Variants in COL23A1 observed in about 807,000 individuals in gnomAD.
COL23A1 encodes the protein collagen type XXIII alpha 1 chain.
COL23A1 carries 97 observed loss-of-function variants against 99.3 expected under a neutral mutation model. The ratio of observed to expected loss-of-function variants is 0.98; its 90% CI spans 0.83 to 1.16. The LOEUF (loss-of-function observed/expected upper bound fraction) is 1.16, where lower values mean the gene tolerates loss of function less well. Ranked by LOEUF, COL23A1 falls within the 50% of genes most tolerant of loss-of-function variation. COL23A1 has a pLI of 0.00. For missense variants in COL23A1, 762 were observed against 757.4 expected (o/e 1.01, Z -0.07); for synonymous variants, 320 against 308.2 (o/e 1.04, Z -0.40).
intron 2 of COL23A1, among the ~76,000 whole-genome samples, chr5:178,402,243 C>A (rs917842437): frequency 6.6e-6 from 1 of 152,152 alleles, no homozygotes; most frequent in South Asian, 2.1e-4. Context: ...ATAGTCCTAG[C>A]TCCTAGGGAG....
chr5:178,521,073 A>G (rs1035392387), intron 2 of COL23A1, among the ~76,000 whole-genome samples: 6 of 152,342 alleles, frequency 3.9e-5, no homozygotes, highest in African/African-American at 1.4e-4. Flanking sequence ...AAACCAGCAC[A>G]GCTTGTCACT....
Position 178,367,108 on chromosome 5 carries a change from G to A in COL23A1, c.362-60189C>T, listed in dbSNP as rs545836865. Among the ~76,000 whole-genome samples, 13 of 152,290 alleles carry A rather than the reference G, an allele frequency of 8.5e-5. No homozygotes were observed. In the East Asian group the frequency reaches 1.9e-3, roughly 23 times the overall value. The stretch of plus-strand genomic sequence containing the variant: ...TTGCTATCAGACAAAATTCAGTTGC[G>A]GTCACGTCAGACATTTCCTTTAGCC... On this transcript the variant is annotated intron_variant, in intron 2 of 28. Coordinates refer to ENST00000390654, the MANE Select transcript of COL23A1 (RefSeq NM_173465.4).
At chr5:178,267,176 G>A (rs993660069) in intron 8 of COL23A1, 131 bp downstream of exon 8, 2 of 992,562 alleles carry the variant, frequency 2.0e-6, no homozygotes, top group Non-Finnish European at 3.1e-6. Flanking sequence ...CTATGGGTGG[G>A]GAAGAGCCCT....
intron 2 of COL23A1, among the ~76,000 whole-genome samples, chr5:178,317,856 T>C (rs1270505172): frequency 6.6e-6 from 1 of 152,160 alleles, no homozygotes; most frequent in Non-Finnish European, 1.5e-5. Flanking sequence ...ACATCTTACA[T>C]GGTGGCAGGC....
intron 1 of COL23A1, chr5:178,562,872 AGC>A (rs891760326): frequency 2.0e-5 from 3 of 152,116 alleles, no homozygotes; most frequent in Non-Finnish European, 2.9e-5. Flanking sequence ...CTAGCTACAG[AGC>A]GCTGTTTGGT....
intron 3 of COL23A1, among the ~76,000 whole-genome samples, chr5:178,291,569 G>A (rs1425565612): frequency 6.6e-6 from 1 of 152,172 alleles, no homozygotes. Flanking sequence ...CGGGAGGGCC[G>A]GAGAAGGCAG....
intron 18 of COL23A1, among the ~76,000 whole-genome samples, chr5:178,249,701 C>CAT (rs1764909621): frequency 9.5e-6 from 1 of 105,158 alleles, no homozygotes; most frequent in African/African-American, 3.2e-5. Flanking sequence ...CACACACACA[C>CAT]ACACACACAC....
intron 2 of COL23A1, among the ~76,000 whole-genome samples, chr5:178,390,008 T>C (rs1197946639): frequency 1.3e-5 from 2 of 152,162 alleles, no homozygotes; most frequent in Non-Finnish European, 2.9e-5. Flanking sequence ...TCAGAGACTA[T>C]GTGTCCTGCC....
chr5:178,443,458 GT>G (rs1257802537), intron 2 of COL23A1, among the ~76,000 whole-genome samples: 1 of 152,146 alleles, frequency 6.6e-6, no homozygotes, highest in African/African-American at 2.4e-5. Context: ...TAAATTTTTT[GT>G]TGTTTTTTGT....
intron 2 of COL23A1, among the ~76,000 whole-genome samples, chr5:178,362,262 G>A (rs761234826): frequency 1.3e-5 from 2 of 152,128 alleles, no homozygotes; most frequent in Non-Finnish European, 2.9e-5. Context: ...GAGGGAGGCT[G>A]AGTTTGGAGC....
intron 2 of COL23A1, among the ~76,000 whole-genome samples, chr5:178,467,293 G>A (rs1285017482): frequency 6.6e-6 from 1 of 152,178 alleles, no homozygotes; most frequent in African/African-American, 2.4e-5. Context: ...GTAGAAATGT[G>A]TGGGTCTTGC....
chr5:178,432,297 C>T (rs980423210), intron 2 of COL23A1, among the ~76,000 whole-genome samples: 4 of 152,164 alleles, frequency 2.6e-5, no homozygotes, highest in Admixed American at 1.3e-4. Flanking sequence ...TTAATGCAGA[C>T]GGCTCGTTAC....
intron 2 of COL23A1, among the ~76,000 whole-genome samples, chr5:178,357,308 G>A (rs1257973491): frequency 6.6e-6 from 1 of 152,158 alleles, no homozygotes; most frequent in Non-Finnish European, 1.5e-5. Flanking sequence ...CACGCCCTCA[G>A]GAGAATGCCT....
At chr5:178,498,916 C>T (rs1009456929) in intron 2 of COL23A1, among the ~76,000 whole-genome samples, 8 of 137,528 alleles carry the variant, frequency 5.8e-5, no homozygotes, top group African/African-American at 1.8e-4. Flanking sequence ...GGTGAAACCC[C>T]ATCTCTTCTA....
chr5:178,322,293 AC>A (rs1390947933), intron 2 of COL23A1, among the ~76,000 whole-genome samples: 4 of 152,040 alleles, frequency 2.6e-5, no homozygotes, highest in African/African-American at 9.7e-5. Flanking sequence ...CACCTGGCCC[AC>A]GCCTATTTTT....
Position 178,428,194 on chromosome 5 carries a change from C to T in COL23A1, c.362-121275G>A, listed in dbSNP as rs1210171425. On this transcript the variant is annotated intron_variant, in intron 2 of 28. Transcript: ENST00000390654. The surrounding 1 kb of genome is among the most constrained non-coding windows in gnomAD (Gnocchi z 5.0). ...CGAGGAATCCAAAGTCCTGAGCAAT[C>T]GTGTCCCCTTAGGTGACCAAGCCTT... 2.6e-5 allele frequency among the ~76,000 whole-genome samples: 4 copies of T among 152,230 alleles called. No homozygotes were observed. The highest frequency in any genetic ancestry group is 4.4e-5 in the Non-Finnish European group (3 of 68,038).
Position 178,313,634 on chromosome 5 carries a change from G to A in COL23A1, c.362-6715C>T, listed in dbSNP as rs1027569117. The stretch of plus-strand genomic sequence containing the variant: ...AACATCTGTGTGTGATTTCCAGTGT[G>A]ACCATGGCCAAGATTTTCTCATCCC... On this transcript the variant is annotated intron_variant, in intron 2 of 28. Coordinates refer to ENST00000390654, the MANE Select transcript of COL23A1 (RefSeq NM_173465.4). This position sits in a 1 kb window ranked among gnomAD's most constrained non-coding sequence, Gnocchi z 4.2. Among the ~76,000 whole-genome samples the A allele has an allele frequency of 6.6e-6, 1 of 152,184 alleles. No homozygotes were observed. Among genetic ancestry groups the A allele is most frequent in the African/African-American group, 2.4e-5 (1 of 41,438 alleles).
chr5:178,421,890 G>A (rs943076264), intron 2 of COL23A1, among the ~76,000 whole-genome samples: 30 of 152,150 alleles, frequency 2.0e-4, no homozygotes, highest in Admixed American at 4.6e-4. Context: ...ACGCATACAC[G>A]CAGGCACCAA....
chr5:178,462,997 A>G (rs1489776752), intron 2 of COL23A1, among the ~76,000 whole-genome samples: 1 of 152,264 alleles, frequency 6.6e-6, no homozygotes, highest in Non-Finnish European at 1.5e-5. Context: ...GAAGGCTGGC[A>G]CCATGTACCT....
Sources: allele counts gnomAD v4.1 joint callset (sites outside exome capture counted in the v4.1 genomes callset), GRCh38; gene constraint gnomAD v4.1.1; non-coding constraint Gnocchi (gnomAD v3.1); transcripts MANE v1.5; gene names NCBI Gene and HGNC (gene_info 2026-07-23, HGNC 2026-07-21).